Variants in DCC observed in about 807,000 individuals in gnomAD.
DCC encodes the protein DCC netrin 1 receptor.
In DCC, 58 loss-of-function variants were observed where a neutral mutation model predicts 172.5. That is an observed-to-expected ratio of 0.34 (90% CI 0.27 to 0.42). DCC has a LOEUF of 0.42. DCC is among the 10% of genes least tolerant of loss of function. DCC has a pLI of 1.00. For missense variants in DCC, 1,740 were observed against 1,791.0 expected, an observed-to-expected ratio of 0.97 and a Z score of 0.51; for synonymous variants, 709 against 644.5, an observed-to-expected ratio of 1.10 and a Z score of -1.52.
At chr18:52,667,522 G>A (rs903122833) in intron 1 of DCC, among the ~76,000 whole-genome samples, 2 of 152,088 alleles carry the variant, frequency 1.3e-5, no homozygotes, top group Non-Finnish European at 2.9e-5. Flanking sequence ...GAGCAACAGG[G>A]GTGTCAAAGC....
chr18:53,136,211 A>ATCTATCTATC (rs138628052), intron 7 of DCC, among the ~76,000 whole-genome samples: 39 of 150,348 alleles, frequency 2.6e-4, no homozygotes, highest in African/African-American at 6.2e-4. Flanking sequence ...CTATCTATCT[A>ATCTATCTATC]TATATATATA....
chr18:53,478,883 A>C (rs991054801), intron 25 of DCC, among the ~76,000 whole-genome samples: 3 of 152,246 alleles, frequency 2.0e-5, no homozygotes. Context: ...CTGCTTCTAC[A>C]CAAATGGACA....
chr18:53,033,882 A>G (rs1364640955), intron 5 of DCC, among the ~76,000 whole-genome samples: 1 of 152,058 alleles, frequency 6.6e-6, no homozygotes, highest in African/African-American at 2.4e-5. Context: ...AATGACCTGT[A>G]TGGTTATTTC....
intron 1 of DCC, among the ~76,000 whole-genome samples, chr18:52,391,174 GCTA>G (rs1986017106): frequency 6.6e-6 from 1 of 152,092 alleles, no homozygotes; most frequent in Non-Finnish European, 1.5e-5. Context: ...ACATCCCCAA[GCTA>G]CAATAGTTTA....
chr18:53,431,605 C>T (rs1260230058), intron 21 of DCC, among the ~76,000 whole-genome samples: 1 of 151,996 alleles, frequency 6.6e-6, no homozygotes, highest in East Asian at 1.9e-4. Context: ...TTGCCTCCAC[C>T]TCCAGAGTAG....
chr18:53,100,913 G>C (rs1010926508), intron 7 of DCC, among the ~76,000 whole-genome samples: 4 of 152,136 alleles, frequency 2.6e-5, no homozygotes, highest in South Asian at 2.1e-4. Flanking sequence ...TAACCACACA[G>C]AGCATATTTT....
chr18:52,523,795 T>C (rs1478099492), intron 1 of DCC, among the ~76,000 whole-genome samples: 1 of 152,228 alleles, frequency 6.6e-6, no homozygotes, highest in Non-Finnish European at 1.5e-5. Context: ...ACAATTACAA[T>C]TTTTAAAGTT....
rs1373365577 is a variant in DCC, at chr18:53,344,463, G to A, written c.2359+4556G>A. ...TTCTTTTTTTTTTTTTTTTTTTTGA[G>A]CCACAGTCTCACTTTGTTGCCCAGG... On this transcript the variant is annotated intron_variant, in intron 15 of 28. Coordinates refer to ENST00000442544, the MANE Select transcript of DCC (RefSeq NM_005215.4). Among the ~76,000 whole-genome samples the A allele has an allele frequency of 4.8e-5, 4 of 83,654 alleles. No individual in the cohort carries two copies. In the Admixed American group the frequency reaches 7.1e-4, roughly 15 times the overall value. The allele number at this position is 83,654 out of a possible 152,430, so 54.9% of individuals were successfully genotyped here.
chr18:53,388,130 A>G (rs941471472), intron 16 of DCC, among the ~76,000 whole-genome samples: 1 of 152,224 alleles, frequency 6.6e-6, no homozygotes, highest in Non-Finnish European at 1.5e-5. Flanking sequence ...AAATAATACT[A>G]AAAGTTGGAA....
chr18:52,870,230 G>A (rs1300922988), intron 2 of DCC, among the ~76,000 whole-genome samples: 3 of 152,132 alleles, frequency 2.0e-5, no homozygotes, highest in Non-Finnish European at 2.9e-5. Flanking sequence ...AACAGAGTCC[G>A]GAGTGGTGGA....
intron 1 of DCC, among the ~76,000 whole-genome samples, chr18:52,691,757 G>A (rs759281398): frequency 1.3e-5 from 2 of 152,024 alleles, no homozygotes; most frequent in Non-Finnish European, 1.5e-5. Context: ...ACCATTGTAC[G>A]GGGCACAGTT....
chr18:53,375,933 T>A (rs1404309278), intron 15 of DCC, among the ~76,000 whole-genome samples: 1 of 152,102 alleles, frequency 6.6e-6, no homozygotes, highest in Admixed American at 6.5e-5. Context: ...TTCCTGACAC[T>A]ATGGAGGAGA....
At chr18:52,532,785 G>A (rs936688696) in intron 1 of DCC, among the ~76,000 whole-genome samples, 4 of 151,986 alleles carry the variant, frequency 2.6e-5, no homozygotes, top group African/African-American at 9.7e-5. Context: ...AACTGTCATG[G>A]GTGGCTGAGA....
intron 2 of DCC, among the ~76,000 whole-genome samples, chr18:52,846,884 G>A (rs1422843847): frequency 1.3e-5 from 2 of 152,062 alleles, no homozygotes; most frequent in South Asian, 2.1e-4. Context: ...TTCAGGCAGG[G>A]GGCGAGCACA....
intron 1 of DCC, among the ~76,000 whole-genome samples, chr18:52,471,649 A>G (rs548107436): frequency 6.6e-6 from 1 of 152,360 alleles, no homozygotes; most frequent in East Asian, 1.9e-4. Flanking sequence ...AAAATTATAT[A>G]GAGCTAAAGG....
intron 1 of DCC, among the ~76,000 whole-genome samples, chr18:52,639,828 G>C (rs1438177578): frequency 6.6e-6 from 1 of 152,048 alleles, no homozygotes; most frequent in Non-Finnish European, 1.5e-5. Flanking sequence ...TATTCCACAA[G>C]ATAGAGAAAG....
intron 15 of DCC, among the ~76,000 whole-genome samples, chr18:53,342,842 C>T (rs4497764): frequency 6.8e-6 from 1 of 146,002 alleles, no homozygotes; most frequent in Non-Finnish European, 1.5e-5. Context: ...TTGAATATTC[C>T]TAAATATATA....
At chr18:52,847,407 T>G (rs2038911641) in intron 2 of DCC, among the ~76,000 whole-genome samples, 1 of 152,154 alleles carries the variant, frequency 6.6e-6, no homozygotes, top group Non-Finnish European at 1.5e-5. Flanking sequence ...TGAGTGTGCT[T>G]GAACATCACA....
chr18:53,442,012 C>T (rs1424626988), intron 22 of DCC, among the ~76,000 whole-genome samples: 2 of 152,318 alleles, frequency 1.3e-5, no homozygotes, highest in East Asian at 3.9e-4. Context: ...GGAGCTGATG[C>T]TTAGCAATAA....
Sources: allele counts gnomAD v4.1 joint callset (sites outside exome capture counted in the v4.1 genomes callset), GRCh38; gene constraint gnomAD v4.1.1; transcripts MANE v1.5; gene names NCBI Gene and HGNC (gene_info 2026-07-23, HGNC 2026-07-21).